The following LCOR variants were observed in gnomAD, a reference collection of about 807,000 sequenced individuals.
LCOR encodes the protein ligand dependent nuclear receptor corepressor.
A neutral mutation model predicts 64.4 loss-of-function variants in LCOR; 14 were observed. That is an observed-to-expected ratio of 0.22 (90% CI 0.14 to 0.34). The LOEUF (loss-of-function observed/expected upper bound fraction) is 0.34, where lower values mean the gene tolerates loss of function less well. Ranked by LOEUF, LCOR falls within the 10% of genes least tolerant of loss-of-function variation. The probability of loss-of-function intolerance (pLI) is 1.00; values close to 1 mark genes in which losing one functional copy is unlikely to be tolerated. For missense variants in LCOR, 1,686 were observed against 1,765.3 expected, an observed-to-expected ratio of 0.96 and a Z score of 0.80; for synonymous variants, 643 against 642.5, an observed-to-expected ratio of 1.00 and a Z score of -0.01.
chr10:96,856,808 G>GT (rs1033490293), intron 2 of LCOR, among the ~76,000 whole-genome samples: 3 of 151,070 alleles, frequency 2.0e-5, no homozygotes, highest in Non-Finnish European at 4.4e-5. Context: ...AGATACCTCC[G>GT]TAAGGGCAGC....
intron 7 of LCOR, among the ~76,000 whole-genome samples, chr10:96,969,946 ATTTTTT>A (rs751045855): frequency 7.4e-5 from 5 of 67,738 alleles, no homozygotes; most frequent in Non-Finnish European, 7.6e-5. Context: ...CACCTGGATA[ATTTTTT>A]TTTTTTTTTT....
chr10:96,983,414 A>G lies in LCOR; in HGVS notation c.2954A>G (p.Gln985Arg). 1.2e-6 allele frequency: 2 copies of G among 1,614,230 alleles called. No individual in the cohort carries two copies. Among genetic ancestry groups the G allele is most frequent in the Non-Finnish European group, 1.7e-6 (2 of 1,180,050 alleles). The change falls in exon 8 of 8, where the codon CAG (glutamine) becomes CGG (arginine). Residue 985 changes from glutamine (Q) to arginine (R), a missense_variant. Transcript: ENST00000421806. The surrounding 1 kb of genome is among the most constrained non-coding windows in gnomAD (Gnocchi z 4.5). ...GAAGAGCCAGGGCATATTCCCACAC[A>G]GCATGTGGAGGAGGCTGTGAATGAG... Reference protein sequence around the residue: ...AKEEPGHIPTQHVEEAVNEVD... With the variant: ...AKEEPGHIPTRHVEEAVNEVD...
chr10:96,874,825 A>T (rs890342116), intron 2 of LCOR, among the ~76,000 whole-genome samples: 3 of 151,836 alleles, frequency 2.0e-5, no homozygotes, highest in Non-Finnish European at 4.4e-5. Flanking sequence ...TTTAGTAGAG[A>T]TGGGGTTTCA....
intron 2 of LCOR, among the ~76,000 whole-genome samples, chr10:96,857,093 T>C (rs1845818608): frequency 6.8e-6 from 1 of 146,476 alleles, no homozygotes; most frequent in Non-Finnish European, 1.5e-5. Context: ...TATATGTATA[T>C]ATATGTGTGT....
At chr10:96,889,221 T>C (rs964191190) in intron 2 of LCOR, among the ~76,000 whole-genome samples, 2 of 152,234 alleles carry the variant, frequency 1.3e-5, no homozygotes, top group African/African-American at 4.8e-5. Context: ...ACATTTCATA[T>C]AAATGGAATC....
Position 96,980,793 on chromosome 10 carries a change from T to C in LCOR, c.333T>C (p.Gly111=), listed in dbSNP as rs535500658. ...TCCTTCTTTCTCTTTCTCTGTCTAG[T>C]GAGAACTCAACAGAGGCAAAAGCAG... The part of the protein sequence containing the change: ...SPGCSSTQGN[G]ENSTEAKAVD... The change falls in exon 8 of 8, where the codon GGT becomes GGC. Residue 111 remains glycine (G), a splice_region_variant and synonymous_variant. Coordinates refer to ENST00000421806, the MANE Select transcript of LCOR (RefSeq NM_001346516.2). 2.9e-6 allele frequency: 2 copies of C among 696,782 alleles called. No homozygotes were observed. The highest frequency in any genetic ancestry group is 1.5e-5 in the South Asian group (1 of 66,806). The allele number at this position is 696,782 out of a possible 1,614,324, so 43.2% of individuals were successfully genotyped here.
intron 2 of LCOR, among the ~76,000 whole-genome samples, chr10:96,849,159 C>T (rs557845835): frequency 9.9e-5 from 14 of 141,764 alleles, no homozygotes; most frequent in East Asian, 4.2e-4. Flanking sequence ...CTGCAACCTC[C>T]GTTTCCTGGC....
chr10:96,969,097 T>G (rs775639395), intron 7 of LCOR, among the ~76,000 whole-genome samples: 35 of 152,350 alleles, frequency 2.3e-4, no homozygotes, highest in Admixed American at 1.6e-3. Flanking sequence ...CTTAGCACTG[T>G]GGCAGGCTCT....
chr10:96,857,219 A>C, intron 2 of LCOR, among the ~76,000 whole-genome samples: 1 of 152,220 alleles, frequency 6.6e-6, no homozygotes, highest in Non-Finnish European at 1.5e-5. Flanking sequence ...ACTACAACCC[A>C]CAAACATGAT....
intron 2 of LCOR, among the ~76,000 whole-genome samples, chr10:96,891,565 G>T (rs1319164851): frequency 5.0e-5 from 2 of 39,644 alleles, no homozygotes; most frequent in African/African-American, 1.0e-4. Flanking sequence ...TTTTTTTTTT[G>T]AGACAGGGTC....
At chr10:96,920,590 A>G (rs1378316447) in intron 4 of LCOR, among the ~76,000 whole-genome samples, 1 of 147,466 alleles carries the variant, frequency 6.8e-6, no homozygotes, top group East Asian at 1.9e-4. Context: ...ATATATGTGT[A>G]TATATGTATG....
rs1848091740 is a variant in LCOR, at chr10:96,981,983, G to A, written c.1523G>A (p.Gly508Asp). 2 of 1,613,986 alleles carry A rather than the reference G, an allele frequency of 1.2e-6. No homozygotes were observed. Among genetic ancestry groups the A allele is most frequent in the Non-Finnish European group, 1.7e-6 (2 of 1,180,026 alleles). The change falls in exon 8 of 8, where the codon GGT becomes GAT. Residue 508 changes from glycine (G) to aspartate (D), a missense_variant. Gly to Asp is a moderately conservative substitution (Grantham distance 94). Coordinates refer to ENST00000421806, the MANE Select transcript of LCOR (RefSeq NM_001346516.2). The part of the protein sequence containing the change: ...RKSTRGYFFN[G>D]DCCELPTVRT... The stretch of plus-strand genomic sequence containing the variant: ...AGTACTCGAGGATACTTTTTCAATG[G>A]TGACTGTTGTGAGCTGCCAACTGTT...
chr10:96,861,567 A>G (rs1055323649), intron 2 of LCOR, among the ~76,000 whole-genome samples: 1 of 151,890 alleles, frequency 6.6e-6, no homozygotes, highest in Non-Finnish European at 1.5e-5. Flanking sequence ...TTTTTGAGAC[A>G]GGGTGTCTCA....
intron 7 of LCOR, among the ~76,000 whole-genome samples, chr10:96,978,055 T>C (rs1426518123): frequency 6.6e-6 from 1 of 152,206 alleles, no homozygotes; most frequent in Non-Finnish European, 1.5e-5. Context: ...TCCACTCTCG[T>C]ACTGTAGCCT....
intron 4 of LCOR, among the ~76,000 whole-genome samples, chr10:96,924,738 T>C (rs1425365814): frequency 6.6e-6 from 1 of 152,158 alleles, no homozygotes; most frequent in Non-Finnish European, 1.5e-5. Flanking sequence ...CATATGAAAA[T>C]AAGTTGTGGA....
At chr10:96,904,746 T>C (rs1197068353) in intron 2 of LCOR, among the ~76,000 whole-genome samples, 2 of 152,250 alleles carry the variant, frequency 1.3e-5, no homozygotes, top group Admixed American at 1.3e-4. Flanking sequence ...TTCTGGCTTT[T>C]CTGTGATATC....
intron 7 of LCOR, chr10:96,955,330 C>T: frequency 6.2e-7 from 1 of 1,613,950 alleles, no homozygotes; most frequent in Non-Finnish European, 8.5e-7. Context: ...GCACTTCAAG[C>T]AAAACAAGAT....
chr10:96,967,822 CTT>C (rs983164844), intron 7 of LCOR, among the ~76,000 whole-genome samples: 28 of 152,076 alleles, frequency 1.8e-4, no homozygotes, highest in African/African-American at 6.3e-4. Flanking sequence ...TGAAAAGTCA[CTT>C]TAAGTTATTC....
intron 2 of LCOR, among the ~76,000 whole-genome samples, chr10:96,873,074 G>A (rs1378623116): frequency 6.6e-6 from 1 of 152,172 alleles, no homozygotes; most frequent in Non-Finnish European, 1.5e-5. Context: ...GATGAGTGGA[G>A]GGATGGATGG....
Sources: gnomAD v4.1 joint callset for allele counts (sites outside exome capture counted in the v4.1 genomes callset) on GRCh38, gnomAD v4.1.1 for gene constraint, Gnocchi (gnomAD v3.1) non-coding constraint, MANE v1.5 for transcripts, NCBI Gene and HGNC (gene_info 2026-07-23, HGNC 2026-07-21) for gene names.